The following TOM1L1 variants were observed in gnomAD, a reference collection of about 807,000 sequenced individuals.
TOM1L1 encodes the protein target of myb1 like 1 membrane trafficking protein, also known as TOM1-like protein 1.
In TOM1L1, 64 loss-of-function variants were observed where a neutral mutation model predicts 63.4. The observed-to-expected ratio is 1.01, with a 90% CI of 0.83 to 1.24. The LOEUF is 1.24. Ranked by LOEUF, TOM1L1 falls within the 50% of genes most tolerant of loss-of-function variation. The pLI, the probability that TOM1L1 is intolerant of heterozygous loss-of-function variation, is 0.00. For synonymous variants in TOM1L1, 166 were observed against 194.4 expected (o/e 0.85, Z 1.22); for missense variants, 536 against 567.0 (o/e 0.95, Z 0.55).
Position 54,921,256 on chromosome 17 carries a change from TA to T in TOM1L1, c.720+5398del, listed in dbSNP as rs568071802. Among the ~76,000 whole-genome samples the T allele has an allele frequency of 1.2e-4, 18 of 152,330 alleles. No homozygotes were observed. The East Asian group carries it at 3.5e-3, about 29-fold the overall frequency. On this transcript the variant is annotated intron_variant, in intron 7 of 15. Transcript: ENST00000575882. Reference sequence around the variant, plus strand: ...TTCTTGAAAGTGTAGGCACAAATGTTAAAATATTTTTAATATCTAGCATTTT... The same window carrying T: ...TTCTTGAAAGTGTAGGCACAAATGTTAAATATTTTTAATATCTAGCATTTT...
rs1322758438 is a variant in TOM1L1 at position 54,961,360 on chromosome 17, C to G, written c.*127C>G. On this transcript the variant is annotated 3_prime_UTR_variant, in exon 16 of 16. Coordinates refer to ENST00000575882, the MANE Select transcript of TOM1L1 (RefSeq NM_005486.3). ...ATGTCAAAGCCATGGTGGCACATTT[C>G]TGCTATAATGAAGATTAAATAGAAT... 5 of 1,551,190 alleles carry G rather than the reference C, an allele frequency of 3.2e-6. No individual in the cohort carries two copies. The Admixed American group carries it at 9.8e-5, about 30-fold the overall frequency.
intron 7 of TOM1L1, among the ~76,000 whole-genome samples, chr17:54,928,082 T>C (rs970787557): frequency 3.3e-5 from 5 of 152,222 alleles, no homozygotes; most frequent in African/African-American, 9.6e-5. Flanking sequence ...GTACACTCTT[T>C]AAAGCAAGAA....
chr17:54,916,923 C>T (rs2143792700), intron 7 of TOM1L1: 1 of 152,258 alleles, frequency 6.6e-6, no homozygotes, highest in South Asian at 2.1e-4. Context: ...ATATAAAATT[C>T]TAGGCACAAA....
intron 7 of TOM1L1, among the ~76,000 whole-genome samples, chr17:54,919,395 C>T (rs1309095362): frequency 2.6e-5 from 4 of 152,200 alleles, no homozygotes; most frequent in African/African-American, 9.6e-5. Flanking sequence ...CTCATATTCT[C>T]ATCCATCTGT....
Position 54,907,153 on chromosome 17 carries a change from C to CTTT in TOM1L1, c.222+1600_222+1602dup, listed in dbSNP as rs74686562. Among the ~76,000 whole-genome samples, 520 of 137,316 alleles carry CTTT rather than the reference C, an allele frequency of 3.8e-3. 6 individuals are homozygous for CTTT. The highest frequency in any genetic ancestry group is 0.011 in the African/African-American group (408 of 36,740). 90.1% of individuals were successfully genotyped at this position (137,316 alleles called of 152,430 possible). On this transcript the variant is annotated intron_variant, in intron 3 of 15. Coordinates refer to ENST00000575882, the MANE Select transcript of TOM1L1 (RefSeq NM_005486.3). ...TTTTAGAGGCATTTTCCCCCTTCAC[C>CTTT]TTTTTTTTTTTTTTTTGACCTCTTA...
chr17:54,938,310 A>G (rs140574997), intron 10 of TOM1L1, among the ~76,000 whole-genome samples: 2,274 of 152,192 alleles, frequency 0.015, 56 homozygotes, highest in African/African-American at 0.05. Context: ...CCTGGCCAAC[A>G]TGGCAAAGCC....
chr17:54,933,094 C>T (rs2048890433), intron 8 of TOM1L1, among the ~76,000 whole-genome samples: 1 of 152,222 alleles, frequency 6.6e-6, no homozygotes, highest in South Asian at 2.1e-4. Context: ...TGGCTGCTGT[C>T]ACAAATTCAC....
rs567719875 is a variant in TOM1L1 at position 54,914,497 on chromosome 17, G to A, written c.499-142G>A. The A allele has an allele frequency of 1.4e-5, 9 of 635,730 alleles. No individual in the cohort carries two copies. The African/African-American group carries it at 1.5e-4, about 10-fold the overall frequency. 39.4% of individuals were successfully genotyped at this position (635,730 alleles called of 1,614,324 possible). A position where few individuals can be genotyped will look rare whatever the true frequency, so the allele number is the denominator to read the frequency against. Reference sequence around the variant, plus strand: ...GCATTCTTCACAAAATGCTGGACGGGTTGTGTAGCTGATGATTTACTCTGG... The same window carrying A: ...GCATTCTTCACAAAATGCTGGACGGATTGTGTAGCTGATGATTTACTCTGG... On this transcript the variant is annotated intron_variant, in intron 5 of 15. Coordinates refer to ENST00000575882, the MANE Select transcript of TOM1L1 (RefSeq NM_005486.3).
intron 2 of TOM1L1, among the ~76,000 whole-genome samples, chr17:54,904,369 C>CAAAAA (rs1165559722): frequency 1.3e-5 from 1 of 78,164 alleles, no homozygotes; most frequent in Non-Finnish European, 2.9e-5. Flanking sequence ...GACTCTATCT[C>CAAAAA]AAAAAAAAAA....
At chr17:54,949,474 T>C in intron 12 of TOM1L1, 44 bp from the exon 13 acceptor site, 1 of 1,453,408 alleles carries the variant, frequency 6.9e-7, no homozygotes, top group Non-Finnish European at 9.7e-7. Context: ...AAAGAAAAGC[T>C]TAATGTAGAA....
chr17:54,911,561 T>G (rs1198761671), intron 3 of TOM1L1, among the ~76,000 whole-genome samples: 1 of 152,230 alleles, frequency 6.6e-6, no homozygotes. Flanking sequence ...GGGGTCCTCA[T>G]GCAGAATGAG....
At chr17:54,937,014 C>A in intron 9 of TOM1L1, 95 bp from the exon 10 acceptor site, 1 of 1,048,846 alleles carries the variant, frequency 9.5e-7, no homozygotes, top group Non-Finnish European at 1.4e-6. Context: ...TAAAATGCAT[C>A]CAAATAGGAT....
chr17:54,959,850 C>G (rs1206138670), intron 14 of TOM1L1, among the ~76,000 whole-genome samples: 1 of 152,072 alleles, frequency 6.6e-6, no homozygotes, highest in East Asian at 1.9e-4. Context: ...ATCCTGGACT[C>G]AAGCGATCCA....
rs2077128636 is a variant in TOM1L1 at position 54,961,681 on chromosome 17, T to C, written c.*448T>C. 4 of 1,051,172 alleles carry C rather than the reference T, an allele frequency of 3.8e-6. No homozygotes were observed. In the South Asian group the frequency reaches 1.0e-4, roughly 28 times the overall value. The allele number at this position is 1,051,172 out of a possible 1,614,324, so 65.1% of individuals were successfully genotyped here. A position where few individuals can be genotyped will look rare whatever the true frequency, so the allele number is the denominator to read the frequency against. ...ACTGAGTGCCTTCATTTAACTAAAG[T>C]TGAATGTAAAAGTCAATTTGCACTT... On this transcript the variant is annotated 3_prime_UTR_variant, in exon 16 of 16. Coordinates refer to ENST00000575882, the MANE Select transcript of TOM1L1 (RefSeq NM_005486.3).
intron 7 of TOM1L1, among the ~76,000 whole-genome samples, chr17:54,927,343 T>G (rs1310042288): frequency 6.6e-6 from 1 of 152,216 alleles, no homozygotes; most frequent in Non-Finnish European, 1.5e-5. Flanking sequence ...AGAGAGATAT[T>G]CAAGCATTTT....
chr17:54,903,814 T>G (rs1272347900), intron 2 of TOM1L1, 22 bp downstream of exon 2: 17 of 1,601,342 alleles, frequency 1.1e-5, no homozygotes, highest in Non-Finnish European at 1.5e-5. Context: ...ATGGTTTCCA[T>G]GTATTTGCCT....
intron 8 of TOM1L1, among the ~76,000 whole-genome samples, chr17:54,932,909 AG>A (rs891501290): frequency 8.5e-5 from 13 of 152,180 alleles, no homozygotes; most frequent in African/African-American, 2.4e-4. Flanking sequence ...GCTTCCTTCA[AG>A]GGGGAACTTG....
Position 54,961,623 on chromosome 17 carries a change from T to C in TOM1L1, c.*390T>C. 5 of 1,113,232 alleles carry C rather than the reference T, an allele frequency of 4.5e-6. No homozygotes were observed. The highest frequency in any genetic ancestry group is 5.5e-6 in the Non-Finnish European group (5 of 911,926). 69.0% of individuals were successfully genotyped at this position (1,113,232 alleles called of 1,614,324 possible). A position where few individuals can be genotyped will look rare whatever the true frequency, so the allele number is the denominator to read the frequency against. ...ATTCTGAATAGATGAAAGCATAAAA[T>C]GTGAGAAACTGAATGTATTATTCAG... On this transcript the variant is annotated 3_prime_UTR_variant, in exon 16 of 16. Transcript: ENST00000575882.
At chr17:54,951,737 C>T (rs1010585388) in intron 14 of TOM1L1, among the ~76,000 whole-genome samples, 21 of 152,206 alleles carry the variant, frequency 1.4e-4, no homozygotes, top group African/African-American at 2.4e-4. Flanking sequence ...TCTGTCAACA[C>T]GAAGCCTGAA....
Sources: gnomAD v4.1 joint callset for allele counts (sites outside exome capture counted in the v4.1 genomes callset) on GRCh38, gnomAD v4.1.1 for gene constraint, MANE v1.5 for transcripts, NCBI Gene and HGNC (gene_info 2026-07-23, HGNC 2026-07-21) for gene names.